Variants in SEMA5B observed in about 807,000 individuals in gnomAD.
The protein encoded by SEMA5B is semaphorin-5B.
SEMA5B carries 66 observed loss-of-function variants against 135.0 expected under a neutral mutation model. The ratio of observed to expected loss-of-function variants is 0.49; its 90% CI spans 0.40 to 0.60. The LOEUF (loss-of-function observed/expected upper bound fraction) is 0.60, where lower values mean the gene tolerates loss of function less well. Among genes scored for constraint, SEMA5B ranks in the 20% least tolerant of loss-of-function variants. The pLI is 0.00. For missense variants in SEMA5B, 1,501 were observed against 1,566.3 expected (o/e 0.96, Z 0.70); for synonymous variants, 690 against 639.5 (o/e 1.08, Z -1.19).
In SEMA5B at chr3:122,910,036, T is replaced by C. The variant is rs918885680; in HGVS notation, c.*107A>G. On this transcript the variant is annotated 3_prime_UTR_variant, in exon 23 of 23. Transcript: ENST00000357599. The stretch of plus-strand genomic sequence containing the variant: ...GACCCCCCACAGGCAAGGCAGCAAG[T>C]TCTTGGCCTAGTGCAGAGGGAGAAA... 7.4e-6 allele frequency: 9 copies of C among 1,220,018 alleles called. No individual in the cohort carries two copies. Among genetic ancestry groups the C allele is most frequent in the Admixed American group, 2.5e-5 (1 of 40,022 alleles). 75.6% of individuals were successfully genotyped at this position (1,220,018 alleles called of 1,614,324 possible). A position where few individuals can be genotyped will look rare whatever the true frequency, so the allele number is the denominator to read the frequency against.
At chr3:122,917,146 C>T (rs1938112930) in intron 12 of SEMA5B, among the ~76,000 whole-genome samples, 1 of 152,146 alleles carries the variant, frequency 6.6e-6, no homozygotes. Context: ...AACATTCAGC[C>T]CACTGCCAAT....
Position 122,927,797 on chromosome 3 carries a change from C to T in SEMA5B, c.843G>A (p.Trp281Ter). Residue 281 changes from tryptophan to a stop codon, truncating the protein, a stop_gained, in exon 8 of 23, where the codon TGG (tryptophan) becomes TGA (stop). Coordinates refer to ENST00000357599, the MANE Select transcript of SEMA5B (RefSeq NM_001031702.4). LOFTEE classifies it high-confidence loss of function. ...PLRTAQYNSK[W>*]LNEPNFVAAY... ...GCACTGGGGCCTCCTTACCATTAAG[C>T]CACTTGGAGTTATATTGGGCAGTGC... 3 of 1,415,492 alleles carry T rather than the reference C, an allele frequency of 2.1e-6. No individual in the cohort carries two copies. Among genetic ancestry groups the T allele is most frequent in the Non-Finnish European group, 9.3e-7 (1 of 1,073,950 alleles). The allele number at this position is 1,415,492 out of a possible 1,614,324, so 87.7% of individuals were successfully genotyped here. A position where few individuals can be genotyped will look rare whatever the true frequency, so the allele number is the denominator to read the frequency against.
intron 1 of SEMA5B, among the ~76,000 whole-genome samples, chr3:122,991,969 C>T (rs971411012): frequency 2.6e-5 from 4 of 152,106 alleles, no homozygotes; most frequent in Admixed American, 6.5e-5. Flanking sequence ...GAACCCGTTA[C>T]GGATACAGGA....
At chr3:122,955,933 G>C (rs1940272362) in intron 2 of SEMA5B, among the ~76,000 whole-genome samples, 1 of 152,234 alleles carries the variant, frequency 6.6e-6, no homozygotes, top group Non-Finnish European at 1.5e-5. Flanking sequence ...AAGCGGGGAG[G>C]AGGGAGGTTC....
intron 1 of SEMA5B, among the ~76,000 whole-genome samples, chr3:122,981,906 A>T (rs936659204): frequency 6.6e-6 from 1 of 152,214 alleles, no homozygotes; most frequent in South Asian, 2.1e-4. Flanking sequence ...AAGTCTGGGT[A>T]TAATTCCAAG....
chr3:122,971,247 T>G (rs1941101572), intron 1 of SEMA5B, among the ~76,000 whole-genome samples: 1 of 152,244 alleles, frequency 6.6e-6, no homozygotes, highest in Non-Finnish European at 1.5e-5. Context: ...ATGTCTGTTT[T>G]GCTCAGTGCT....
intron 1 of SEMA5B, among the ~76,000 whole-genome samples, chr3:122,977,551 T>G (rs1036157308): frequency 6.6e-6 from 1 of 152,238 alleles, no homozygotes; most frequent in Non-Finnish European, 1.5e-5. Context: ...GAGTCAGGGC[T>G]GGCAACAGGG....
At chr3:122,934,745 G>T (rs780047454) in intron 5 of SEMA5B, among the ~76,000 whole-genome samples, 3 of 152,056 alleles carry the variant, frequency 2.0e-5, no homozygotes, top group Non-Finnish European at 4.4e-5. Flanking sequence ...GCCTGGTATG[G>T]TGGCTTATAC....
intron 9 of SEMA5B, among the ~76,000 whole-genome samples, chr3:122,925,156 G>A (rs1938559422): frequency 6.6e-6 from 1 of 151,618 alleles, no homozygotes; most frequent in Non-Finnish European, 1.5e-5. Context: ...TGCTATCTGG[G>A]GCCCAAAGTG....
At chr3:123,017,450 C>T (rs1327515141) in intron 1 of SEMA5B, among the ~76,000 whole-genome samples, 1 of 152,148 alleles carries the variant, frequency 6.6e-6, no homozygotes, top group African/African-American at 2.4e-5. Context: ...ATTTTCAAAC[C>T]CATACTCATT....
Position 122,910,963 on chromosome 3 carries a change from A to G in SEMA5B, c.3174T>C (p.Ser1058=). ...SGLLTLAVYL[S]CQHCQRQSQE... is the part of the protein sequence containing the mutation. ...GGGACTGACGCTGGCAGTGCTGGCA[A>G]GACAGGTACACTGCTAGGGTCAGGA... is the stretch of plus-strand genomic sequence containing the variant. The change falls in exon 22 of 23, where the codon TCT becomes TCC. Residue 1058 remains serine (S), a synonymous_variant. Coordinates refer to ENST00000357599, the MANE Select transcript of SEMA5B (RefSeq NM_001031702.4). 2 of 1,613,976 alleles carry G rather than the reference A, an allele frequency of 1.2e-6. No homozygotes were observed. The highest frequency in any genetic ancestry group is 1.7e-6 in the Non-Finnish European group (2 of 1,179,998).
intron 1 of SEMA5B, among the ~76,000 whole-genome samples, chr3:123,017,606 G>C (rs1185051728): frequency 6.6e-6 from 1 of 152,144 alleles, no homozygotes; most frequent in Admixed American, 6.5e-5. Flanking sequence ...TGACCTGCAG[G>C]GCTTTTAACA....
intron 10 of SEMA5B, among the ~76,000 whole-genome samples, 169 bp from the exon 11 acceptor site, chr3:122,922,616 G>T (rs1182206931): frequency 6.6e-6 from 1 of 152,240 alleles, no homozygotes; most frequent in Non-Finnish European, 1.5e-5. Context: ...TCCAGGGTGG[G>T]ATGCCTCTTC....
At chr3:122,927,138 G>A (rs1259897067) in intron 8 of SEMA5B, among the ~76,000 whole-genome samples, 1 of 152,144 alleles carries the variant, frequency 6.6e-6, no homozygotes, top group African/African-American at 2.4e-5. Context: ...AGGAAGCAGG[G>A]GTTCAACCCC....
chr3:122,935,996 A>C lies in SEMA5B; in HGVS notation c.474+3429T>G, dbSNP rs552677378. 2.6e-5 allele frequency among the ~76,000 whole-genome samples: 4 copies of C among 152,210 alleles called. No homozygotes were observed. In the East Asian group the frequency reaches 7.7e-4, roughly 29 times the overall value. ...GAGTGAGCCACTGTGCCCAGCCTCT[A>C]TCCGCTTTCCATTGCCCCAGAATGC... On this transcript the variant is annotated intron_variant, in intron 5 of 22. Coordinates refer to ENST00000357599, the MANE Select transcript of SEMA5B (RefSeq NM_001031702.4).
At chr3:123,014,144 T>C (rs1942499264) in intron 1 of SEMA5B, among the ~76,000 whole-genome samples, 1 of 152,206 alleles carries the variant, frequency 6.6e-6, no homozygotes, top group Non-Finnish European at 1.5e-5. Flanking sequence ...GACAGGATCC[T>C]GGCAAGCACT....
chr3:122,974,437 G>C (rs1402839156), intron 1 of SEMA5B, among the ~76,000 whole-genome samples: 1 of 152,254 alleles, frequency 6.6e-6, no homozygotes, highest in Non-Finnish European at 1.5e-5. Flanking sequence ...TTCCTTCAAA[G>C]CTTCTTTGCA....
intron 2 of SEMA5B, chr3:122,958,397 T>A (rs1361358880): frequency 2.0e-5 from 3 of 152,286 alleles, no homozygotes; most frequent in Admixed American, 2.0e-4. Context: ...GGGAAGAATG[T>A]GTACTGTCTG....
At chr3:122,967,145 A>G (rs1576374952) in intron 1 of SEMA5B, among the ~76,000 whole-genome samples, 5 of 152,208 alleles carry the variant, frequency 3.3e-5, no homozygotes, top group Admixed American at 6.5e-5. Context: ...TCGGCCTCCC[A>G]AAGTGCTGGG....
Sources: gnomAD v4.1 joint callset for allele counts (sites outside exome capture counted in the v4.1 genomes callset) on GRCh38, gnomAD v4.1.1 for gene constraint, MANE v1.5 for transcripts, NCBI Gene and HGNC (gene_info 2026-07-23, HGNC 2026-07-21) for gene names.